Variants in CELF2 observed in about 807,000 individuals in gnomAD.
CELF2 encodes CUGBP Elav-like family member 2, also known as CUG triplet repeat RNA-binding protein 2.
In CELF2, 8 loss-of-function variants were observed where a neutral mutation model predicts 62.6. That is an observed-to-expected ratio of 0.13 (90% CI 0.07 to 0.23). CELF2 has a LOEUF of 0.23. Ranked by LOEUF, CELF2 falls within the 10% of genes least tolerant of loss-of-function variation. The probability of loss-of-function intolerance (pLI) is 1.00; values close to 1 mark genes in which losing one functional copy is unlikely to be tolerated. For synonymous variants in CELF2, 258 were observed against 250.0 expected, an observed-to-expected ratio of 1.03 and a Z score of -0.30; for missense variants, 333 against 671.0, an observed-to-expected ratio of 0.50 and a Z score of 5.56.
chr10:11,030,941 A>G (rs1420560092), intron 1 of CELF2: 1 of 152,254 alleles, frequency 6.6e-6, no homozygotes, highest in Non-Finnish European at 1.5e-5. Context: ...TACTGCCAAG[A>G]TAAAGAAGCA....
chr10:11,036,070 A>G (rs961283600), intron 1 of CELF2, among the ~76,000 whole-genome samples: 1 of 152,206 alleles, frequency 6.6e-6, no homozygotes, highest in Admixed American at 6.5e-5. Context: ...AAGCTGTCTG[A>G]TCTGCATGCG....
At chr10:10,599,524 AG>A in the CELF2 span, among the ~76,000 whole-genome samples, 2 of 152,172 alleles carry the variant, frequency 1.3e-5, no homozygotes, top group Non-Finnish European at 2.9e-5. Flanking sequence ...GTGCCCATCA[AG>A]ACTGTAAAAG....
the CELF2 span, among the ~76,000 whole-genome samples, chr10:10,640,343 C>T: frequency 6.6e-6 from 1 of 152,094 alleles, no homozygotes; most frequent in Non-Finnish European, 1.5e-5. Flanking sequence ...TGCTGTTGTT[C>T]CTGCTGTCTG....
chr10:10,525,785 G>A, the CELF2 span, among the ~76,000 whole-genome samples: 3 of 152,180 alleles, frequency 2.0e-5, no homozygotes, highest in Non-Finnish European at 4.4e-5. Flanking sequence ...AAAATGATGT[G>A]GTAAACATGA....
intron 1 of CELF2, among the ~76,000 whole-genome samples, chr10:11,061,709 G>A (rs1008203067): frequency 1.3e-5 from 2 of 152,194 alleles, no homozygotes; most frequent in Admixed American, 1.3e-4. Flanking sequence ...AAATCCTTGG[G>A]CCCTTAAGAA....
the CELF2 span, among the ~76,000 whole-genome samples, chr10:10,514,557 G>A: frequency 6.6e-6 from 1 of 152,214 alleles, no homozygotes; most frequent in Non-Finnish European, 1.5e-5. Flanking sequence ...TCCTGAGGGA[G>A]GGCTTTGAGC....
chr10:10,880,424 G>A lies in CELF2; in HGVS notation c.54-39540G>A, dbSNP rs568123960. ...AAGAAAATAGGGGTGATCAGTGTACGCAGGAAATTATCTGACCTCATTCCT... is the reference window on the plus strand; with the variant it reads ...AAGAAAATAGGGGTGATCAGTGTACACAGGAAATTATCTGACCTCATTCCT... On this transcript the variant is annotated intron_variant, in intron 1 of 13. Transcript: ENST00000636488. Among the ~76,000 whole-genome samples, 14 of 152,262 alleles carry A rather than the reference G, an allele frequency of 9.2e-5. No homozygotes were observed. In the South Asian group the frequency reaches 1.0e-3, roughly 11 times the overall value.
At chr10:10,598,483 C>A in the CELF2 span, among the ~76,000 whole-genome samples, 1 of 152,188 alleles carries the variant, frequency 6.6e-6, no homozygotes, top group African/African-American at 2.4e-5. Context: ...TCACATCCTG[C>A]AACGGAGCGT....
chr10:11,102,510 C>G (rs1000435408), intron 1 of CELF2, among the ~76,000 whole-genome samples: 1 of 152,190 alleles, frequency 6.6e-6, no homozygotes, highest in Non-Finnish European at 1.5e-5. Context: ...TTTCAGGCAT[C>G]GCAAGCAGAC....
chr10:10,994,762 G>T (rs541921632), intron 2 of CELF2, among the ~76,000 whole-genome samples: 214 of 67,456 alleles, frequency 3.2e-3, no homozygotes, highest in Admixed American at 5.3e-3. Context: ...GTGCCAAAAA[G>T]GTTGGGGACT....
chr10:11,110,583 CAG>C lies in CELF2; in HGVS notation c.75-54898_75-54897del, dbSNP rs2054892570. On this transcript the variant is annotated intron_variant, in intron 1 of 12. Coordinates refer to ENST00000633077, the MANE Select transcript of CELF2 (RefSeq NM_001326342.2). This position sits in a 1 kb window ranked among gnomAD's most constrained non-coding sequence, Gnocchi z 4.0. ...GAGGTCATGTCCCTAAGCAGAGCAT[CAG>C]AGAGGAGAAGAGAGGAGGAGGCCTG... Among the ~76,000 whole-genome samples the C allele has an allele frequency of 6.6e-6, 1 of 152,160 alleles. No individual in the cohort carries two copies. The highest frequency in any genetic ancestry group is 2.1e-4 in the South Asian group (1 of 4,806).
At chr10:10,519,883 A>G in the CELF2 span, among the ~76,000 whole-genome samples, 1 of 152,150 alleles carries the variant, frequency 6.6e-6, no homozygotes, top group African/African-American at 2.4e-5. Flanking sequence ...CAGTTTTAGG[A>G]GACTAAGAAA....
At chr10:11,099,442 G>T (rs3814634) in intron 1 of CELF2, among the ~76,000 whole-genome samples, 55,829 of 152,020 alleles carry the variant, frequency 0.37, 13,192 homozygotes, top group East Asian at 0.72. Context: ...CATTTAAAAT[G>T]ACCTTGGGGT....
At chr10:10,638,435 C>T in the CELF2 span, among the ~76,000 whole-genome samples, 10 of 152,136 alleles carry the variant, frequency 6.6e-5, 1 homozygote. Flanking sequence ...GTGGGATAAT[C>T]AGAGTGTGGA....
the CELF2 span, among the ~76,000 whole-genome samples, chr10:10,732,114 A>C: frequency 2.0e-5 from 3 of 152,200 alleles, no homozygotes; most frequent in Non-Finnish European, 4.4e-5. Flanking sequence ...CCAGCCAGTC[A>C]GCACCAAAGA....
chr10:11,227,237 T>G lies in CELF2; in HGVS notation c.354+9730T>G, dbSNP rs1589404381. Among the ~76,000 whole-genome samples the G allele has an allele frequency of 6.6e-6, 1 of 152,170 alleles. No homozygotes were observed. Reference sequence around the variant, plus strand: ...AAAGGAACTGTTCTACCCTGTTGTTTTACTAATGAGGAAGTGATGGTCCAA... The same window carrying G: ...AAAGGAACTGTTCTACCCTGTTGTTGTACTAATGAGGAAGTGATGGTCCAA... On this transcript the variant is annotated intron_variant, in intron 3 of 12. Coordinates refer to ENST00000633077, the MANE Select transcript of CELF2 (RefSeq NM_001326342.2). The surrounding 1 kb of genome is among the most constrained non-coding windows in gnomAD (Gnocchi z 4.8).
chr10:10,561,142 G>T, the CELF2 span, among the ~76,000 whole-genome samples: 2 of 152,054 alleles, frequency 1.3e-5, no homozygotes, highest in African/African-American at 4.8e-5. Context: ...AAATATTACT[G>T]ATACCCCAAT....
the CELF2 span, among the ~76,000 whole-genome samples, chr10:10,492,380 C>A: frequency 6.6e-6 from 1 of 152,186 alleles, no homozygotes; most frequent in African/African-American, 2.4e-5. Context: ...TTAATGGGTG[C>A]AGCACACCAA....
chr10:10,494,256 G>C, the CELF2 span, among the ~76,000 whole-genome samples: 1 of 152,208 alleles, frequency 6.6e-6, no homozygotes. Context: ...GCAGCCTCAA[G>C]ATCAATGGAG....
Sources: allele counts gnomAD v4.1 joint callset (sites outside exome capture counted in the v4.1 genomes callset), GRCh38; gene constraint gnomAD v4.1.1; non-coding constraint Gnocchi (gnomAD v3.1); transcripts MANE v1.5; gene names NCBI Gene and HGNC (gene_info 2026-07-23, HGNC 2026-07-21).